Variants in STAU2 observed in about 807,000 individuals in gnomAD.
The protein encoded by STAU2 is double-stranded RNA-binding protein Staufen homolog 2.
In STAU2, 20 loss-of-function variants were observed where a neutral mutation model predicts 65.9. The observed-to-expected ratio is 0.30, with a 90% CI of 0.21 to 0.44. The LOEUF (loss-of-function observed/expected upper bound fraction) is 0.44, where lower values mean the gene tolerates loss of function less well. Among genes scored for constraint, STAU2 ranks in the 20% least tolerant of loss-of-function variants. The probability of loss-of-function intolerance (pLI) is 1.00; values close to 1 mark genes in which losing one functional copy is unlikely to be tolerated. For missense variants in STAU2, 558 were observed against 683.9 expected, an observed-to-expected ratio of 0.82 and a Z score of 2.05; for synonymous variants, 232 against 233.9, an observed-to-expected ratio of 0.99 and a Z score of 0.07.
intron 6 of STAU2, among the ~76,000 whole-genome samples, chr8:73,645,884 C>A (rs373222549): frequency 2.0e-5 from 3 of 152,114 alleles, no homozygotes; most frequent in Non-Finnish European, 2.9e-5. Flanking sequence ...ACGAGAACAG[C>A]ACCAAGGGGA....
chr8:73,584,365 GTAATAGC>G (rs1810215646), intron 11 of STAU2, among the ~76,000 whole-genome samples: 1 of 152,332 alleles, frequency 6.6e-6, no homozygotes, highest in South Asian at 2.1e-4. Flanking sequence ...ACTGATAGTA[GTAATAGC>G]TAATAGCTAA....
chr8:73,482,521 G>C (rs1209988511), intron 13 of STAU2, among the ~76,000 whole-genome samples: 1 of 152,248 alleles, frequency 6.6e-6, no homozygotes, highest in East Asian at 1.9e-4. Flanking sequence ...CATACGAGCA[G>C]TCTATGCCAA....
At chr8:73,596,527 TGAA>T (rs1399462159) in intron 10 of STAU2, among the ~76,000 whole-genome samples, 6 of 152,184 alleles carry the variant, frequency 3.9e-5, no homozygotes, top group Non-Finnish European at 8.8e-5. Context: ...AGTAAGTGAT[TGAA>T]GAAGTAGTTA....
intron 13 of STAU2, among the ~76,000 whole-genome samples, chr8:73,497,759 T>C (rs1185340441): frequency 6.6e-6 from 1 of 151,288 alleles, no homozygotes; most frequent in African/African-American, 2.4e-5. Flanking sequence ...TCCCTGATGT[T>C]ACTATAATCT....
chr8:73,512,932 G>A (rs142620640), intron 13 of STAU2, among the ~76,000 whole-genome samples: 11 of 152,104 alleles, frequency 7.2e-5, no homozygotes, highest in South Asian at 6.2e-4. Context: ...TTATACTTTC[G>A]TTTAATCCTG....
chr8:73,474,273 T>G (rs1201232145), intron 13 of STAU2, among the ~76,000 whole-genome samples: 1 of 152,206 alleles, frequency 6.6e-6, no homozygotes, highest in Non-Finnish European at 1.5e-5. Flanking sequence ...TCTGCCAGCA[T>G]GCGTTGGAAC....
At chr8:73,625,928 C>G (rs1813601034) in intron 6 of STAU2, among the ~76,000 whole-genome samples, 1 of 152,092 alleles carries the variant, frequency 6.6e-6, no homozygotes, top group South Asian at 2.1e-4. Context: ...CTTCTTCCTA[C>G]TCTTGTCTAA....
chr8:73,695,875 C>T lies in STAU2; in HGVS notation c.115-7062G>A, dbSNP rs1358870654. ...ATAGAAGAAAACATCAGGTAAATTG[C>T]TAAGGTTTTTGACTCCAATCCCTGG... On this transcript the variant is annotated intron_variant, in intron 4 of 14. Transcript: ENST00000524300. Among the ~76,000 whole-genome samples the T allele has an allele frequency of 3.9e-5, 6 of 152,140 alleles. No individual in the cohort carries two copies. In the East Asian group the frequency reaches 1.2e-3, roughly 29 times the overall value.
intron 13 of STAU2, among the ~76,000 whole-genome samples, chr8:73,457,876 G>A (rs570195702): frequency 5.9e-5 from 9 of 152,234 alleles, no homozygotes; most frequent in Non-Finnish European, 1.3e-4. Flanking sequence ...TGCACTGGGT[G>A]TGATCCCTTG....
rs900272903 is a variant in STAU2 at position 73,595,266 on chromosome 8, G to A, written c.1061C>T (p.Thr354Ile). The A allele has an allele frequency of 1.9e-6, 3 of 1,609,716 alleles. No homozygotes were observed. Among genetic ancestry groups the A allele is most frequent in the Non-Finnish European group, 2.5e-6 (3 of 1,178,486 alleles). ...VKVGNEVATG[T>I]GPNKKIAKKN... ...TTTGGCTATCTTTTTATTAGGTCCT[G>A]TTCCTGTAGCAACTTCATTGCCTAC... The change falls in exon 11 of 15, where the codon ACA becomes ATA. Residue 354 changes from threonine (T) to isoleucine (I), a missense_variant. Thr to Ile is a moderately conservative substitution (Grantham distance 89, BLOSUM62 -1). Around this residue, in one of 3 missense-constraint regions of STAU2, gnomAD observed 247 missense variants for 270.1 expected, o/e 0.91. Transcript: ENST00000524300.
chr8:73,549,649 T>C (rs2128941956), intron 13 of STAU2: 1 of 985,306 alleles, frequency 1.0e-6, no homozygotes, highest in East Asian at 1.1e-4. Flanking sequence ...ACAATATAGC[T>C]GTCACATACA....
intron 6 of STAU2, among the ~76,000 whole-genome samples, chr8:73,660,479 A>G (rs4738391): frequency 1 from 152,056 of 152,332 alleles, 75,892 homozygotes; most frequent in Middle Eastern, 1. Flanking sequence ...GCCTCTAAAA[A>G]CAGAACAAAG....
chr8:73,590,342 G>GA (rs573048011), intron 11 of STAU2, among the ~76,000 whole-genome samples: 128 of 147,832 alleles, frequency 8.7e-4, no homozygotes, highest in African/African-American at 3.1e-3. Context: ...GCTGAGAGAG[G>GA]AAAAAAAATA....
chr8:73,670,002 T>C (rs986038948), intron 6 of STAU2, among the ~76,000 whole-genome samples: 1 of 152,282 alleles, frequency 6.6e-6, no homozygotes, highest in African/African-American at 2.4e-5. Flanking sequence ...CTAGAGTACA[T>C]TAGCAATAAA....
intron 12 of STAU2, among the ~76,000 whole-genome samples, chr8:73,581,863 A>T (rs554557387): frequency 2.0e-5 from 3 of 152,336 alleles, no homozygotes; most frequent in African/African-American, 7.2e-5. Flanking sequence ...TTCATTATAC[A>T]TCAAGAGACG....
At chr8:73,484,048 A>C (rs766237401) in intron 13 of STAU2, among the ~76,000 whole-genome samples, 1 of 152,178 alleles carries the variant, frequency 6.6e-6, no homozygotes, top group Non-Finnish European at 1.5e-5. Context: ...AGATGCAATT[A>C]GTGTTCACTT....
chr8:73,686,604 T>C (rs1028225015), intron 5 of STAU2, among the ~76,000 whole-genome samples: 1 of 147,856 alleles, frequency 6.8e-6, no homozygotes, highest in African/African-American at 2.5e-5. Context: ...GGGAGGGGAA[T>C]GAGGGGTAAA....
chr8:73,738,847 T>C (rs977342721), intron 2 of STAU2, among the ~76,000 whole-genome samples: 2 of 152,210 alleles, frequency 1.3e-5, no homozygotes, highest in African/African-American at 4.8e-5. Flanking sequence ...ACAAGTATTC[T>C]CTTAGATGGT....
At chr8:73,553,222 AATG>A (rs1807465942) in intron 12 of STAU2, among the ~76,000 whole-genome samples, 1 of 152,200 alleles carries the variant, frequency 6.6e-6, no homozygotes, top group South Asian at 2.1e-4. Flanking sequence ...ATAACTCTCA[AATG>A]ATATTATCTT....
Sources: gnomAD v4.1 joint callset for allele counts (sites outside exome capture counted in the v4.1 genomes callset) on GRCh38, gnomAD v4.1.1 for gene constraint, gnomAD v4.1.1 regional missense constraint, MANE v1.5 for transcripts, NCBI Gene and HGNC (gene_info 2026-07-23, HGNC 2026-07-21) for gene names.